The following ATRNL1 variants were observed in gnomAD, a reference collection of about 807,000 sequenced individuals.
ATRNL1 encodes attractin like 1.
ATRNL1 carries 95 observed loss-of-function variants against 182.7 expected under a neutral mutation model. That is an observed-to-expected ratio of 0.52 (90% confidence interval 0.44 to 0.62). ATRNL1 has a LOEUF of 0.62. Among genes scored for constraint, ATRNL1 ranks in the 20% least tolerant of loss-of-function variants. The pLI is 0.00. For missense variants in ATRNL1, 1,471 were observed against 1,679.5 expected (o/e 0.88, Z 2.17); for synonymous variants, 576 against 568.3 (o/e 1.01, Z -0.19).
intron 26 of ATRNL1, among the ~76,000 whole-genome samples, chr10:115,616,626 A>G (rs1857442084): frequency 6.6e-6 from 1 of 152,326 alleles, no homozygotes; most frequent in Non-Finnish European, 1.5e-5. Context: ...CCATGCTTAT[A>G]GCCTTGTGCA....
chr10:115,909,060 A>G (rs1555115213), intron 28 of ATRNL1, among the ~76,000 whole-genome samples: 1 of 152,156 alleles, frequency 6.6e-6, no homozygotes, highest in African/African-American at 2.4e-5. Context: ...TATATTCTTT[A>G]GAGAATTGCC....
chr10:115,420,126 C>G (rs1554961672), intron 20 of ATRNL1, among the ~76,000 whole-genome samples: 1 of 150,910 alleles, frequency 6.6e-6, no homozygotes, highest in Non-Finnish European at 1.5e-5. Context: ...TTAGTGCAAC[C>G]TCCGCCTCCC....
At position 115,329,533 on chromosome 10, in the gene ATRNL1, T is replaced by A. The variant is rs1455182097; in HGVS notation, c.3038-4749T>A. 2.1e-4 allele frequency among the ~76,000 whole-genome samples: 32 copies of A among 152,144 alleles called. 1 individual carries two copies. The highest frequency in any genetic ancestry group is 2.1e-3 in the Admixed American group (32 of 15,270). ...CTTTCTATACCTCCCTTTGGATCTA[T>A]TAATGTTTGCTTTCTATATTAAGTT... On this transcript the variant is annotated intron_variant, in intron 18 of 28. Coordinates refer to ENST00000355044, the MANE Select transcript of ATRNL1 (RefSeq NM_207303.4).
chr10:115,265,605 TAGAG>T (rs1851577018), intron 11 of ATRNL1, among the ~76,000 whole-genome samples: 1 of 151,634 alleles, frequency 6.6e-6, no homozygotes, highest in South Asian at 2.1e-4. Context: ...ACTGAAATGA[TAGAG>T]AGGCTAGCCC....
intron 9 of ATRNL1, among the ~76,000 whole-genome samples, 176 bp from the exon 10 acceptor site, chr10:115,241,394 AT>A (rs541921859): frequency 2.5e-4 from 37 of 150,694 alleles, no homozygotes; most frequent in African/African-American, 3.9e-4. Flanking sequence ...GCCTCAAAAT[AT>A]TTTTTTTTGA....
At chr10:115,133,392 G>A (rs1554875733) in intron 5 of ATRNL1, among the ~76,000 whole-genome samples, 3 of 152,210 alleles carry the variant, frequency 2.0e-5, no homozygotes, top group Middle Eastern at 3.4e-3. Context: ...GCCTGAGGTT[G>A]CAATCCTAGT....
chr10:115,778,319 G>A (rs375355178), intron 27 of ATRNL1, among the ~76,000 whole-genome samples: 2 of 151,954 alleles, frequency 1.3e-5, no homozygotes, highest in Admixed American at 6.6e-5. Flanking sequence ...TGGCCTATTA[G>A]AAGAGGTAAG....
rs986837298 is a variant in ATRNL1, at chr10:115,215,778, T to C, written c.1430T>C (p.Ile477Thr). The change falls in exon 9 of 29, where the codon ATA (isoleucine) becomes ACA (threonine). Residue 477 changes from isoleucine (I) to threonine (T), a missense_variant. Physicochemically the swap from Ile to Thr is moderately conservative, Grantham distance 89 (BLOSUM62 -1). Transcript: ENST00000355044. ...GGCCATACTAGTGTGTATGATGAAA[T>C]AACAAAGTCCATTTATGTTCATGGA... Reference protein sequence around the residue: ...GYGHTSVYDEITKSIYVHGGY... With the variant: ...GYGHTSVYDETTKSIYVHGGY... The C allele has an allele frequency of 6.2e-7, 1 of 1,609,940 alleles. No homozygotes were observed. The highest frequency in any genetic ancestry group is 1.3e-5 in the African/African-American group (1 of 74,838).
intron 25 of ATRNL1, among the ~76,000 whole-genome samples, chr10:115,532,735 C>G (rs1353266361): frequency 6.6e-6 from 1 of 150,758 alleles, no homozygotes; most frequent in Non-Finnish European, 1.5e-5. Context: ...CAGTTTTTGC[C>G]CATTCAGTAT....
intron 19 of ATRNL1, among the ~76,000 whole-genome samples, chr10:115,387,865 C>T (rs1445796972): frequency 2.6e-5 from 4 of 152,042 alleles, no homozygotes; most frequent in Admixed American, 6.6e-5. Context: ...TATTGTGAAT[C>T]TGATCACTCG....
intron 20 of ATRNL1, among the ~76,000 whole-genome samples, chr10:115,408,626 T>C (rs146674943): frequency 1.3e-5 from 2 of 152,286 alleles, no homozygotes; most frequent in East Asian, 3.9e-4. Context: ...TGAAGTCTTA[T>C]TCATAAAATC....
At chr10:115,853,835 G>C (rs968886683) in intron 28 of ATRNL1, among the ~76,000 whole-genome samples, 1 of 152,166 alleles carries the variant, frequency 6.6e-6, no homozygotes, top group African/African-American at 2.4e-5. Context: ...GGAAACAACA[G>C]AGATAAGAAC....
At chr10:115,469,118 T>G in intron 23 of ATRNL1, 54 bp from the exon 24 acceptor site, 3 of 687,678 alleles carry the variant, frequency 4.4e-6, no homozygotes, top group Non-Finnish European at 6.3e-6. Context: ...TATGCATTTT[T>G]AAATTCATAA....
intron 24 of ATRNL1, among the ~76,000 whole-genome samples, chr10:115,510,564 A>T (rs2133671653): frequency 6.6e-6 from 1 of 152,112 alleles, no homozygotes; most frequent in South Asian, 2.1e-4. Context: ...TTCTAGACAT[A>T]ATATTATTGC....
chr10:115,318,604 G>T (rs890479896), intron 18 of ATRNL1, among the ~76,000 whole-genome samples: 3 of 152,010 alleles, frequency 2.0e-5, no homozygotes, highest in Admixed American at 2.0e-4. Flanking sequence ...CTTCTTTCTG[G>T]TTTAGTCTTG....
At chr10:115,442,848 A>T (rs1281546518) in intron 21 of ATRNL1, among the ~76,000 whole-genome samples, 2 of 152,012 alleles carry the variant, frequency 1.3e-5, no homozygotes, top group African/African-American at 4.8e-5. Flanking sequence ...TATAATTCTG[A>T]TTGGAATTTT....
intron 18 of ATRNL1, among the ~76,000 whole-genome samples, chr10:115,318,003 G>A (rs969400688): frequency 1.3e-5 from 2 of 152,106 alleles, no homozygotes; most frequent in Non-Finnish European, 2.9e-5. Flanking sequence ...TCCAGCTTTT[G>A]CCCATTTAAT....
intron 25 of ATRNL1, among the ~76,000 whole-genome samples, chr10:115,522,280 T>A (rs904388024): frequency 2.0e-5 from 3 of 152,152 alleles, no homozygotes; most frequent in Non-Finnish European, 2.9e-5. Flanking sequence ...AGCATGTGCA[T>A]CTGGTGAGGG....
At chr10:115,501,154 G>GGT (rs1554980025) in intron 24 of ATRNL1, among the ~76,000 whole-genome samples, 1 of 151,784 alleles carries the variant, frequency 6.6e-6, no homozygotes, top group Non-Finnish European at 1.5e-5. Context: ...GGCTAGTCTT[G>GGT]AACTCCTAAC....
Sources: allele counts gnomAD v4.1 joint callset (sites outside exome capture counted in the v4.1 genomes callset), GRCh38; gene constraint gnomAD v4.1.1; transcripts MANE v1.5; gene names NCBI Gene and HGNC (gene_info 2026-07-23, HGNC 2026-07-21).